Variants in KCNN2 observed in about 807,000 individuals in gnomAD.
The protein encoded by KCNN2 is small conductance calcium-activated potassium channel protein 2.
KCNN2 carries 24 observed loss-of-function variants against 55.5 expected under a neutral mutation model. The observed-to-expected ratio is 0.43, with a 90% CI of 0.31 to 0.61. The LOEUF is 0.61. Ranked by LOEUF, KCNN2 falls within the 20% of genes least tolerant of loss-of-function variation. The pLI is 0.08. For missense variants in KCNN2, 754 were observed against 853.6 expected (o/e 0.88, Z 1.45); for synonymous variants, 431 against 336.1 (o/e 1.28, Z -3.09).
chr5:114,437,817 C>A (rs923007654), intron 3 of KCNN2, among the ~76,000 whole-genome samples: 2 of 152,136 alleles, frequency 1.3e-5, no homozygotes, highest in Non-Finnish European at 2.9e-5. Context: ...GTCTATTTGC[C>A]TGGGTGATAT....
chr5:114,210,941 G>C (rs1753869145), intron 1 of KCNN2, among the ~76,000 whole-genome samples: 1 of 152,020 alleles, frequency 6.6e-6, no homozygotes, highest in South Asian at 2.1e-4. Context: ...AGACATATGT[G>C]TGGCCAACAA....
intron 1 of KCNN2, among the ~76,000 whole-genome samples, chr5:114,175,204 G>A (rs1374005715): frequency 6.6e-6 from 1 of 152,124 alleles, no homozygotes; most frequent in Non-Finnish European, 1.5e-5. Context: ...AGGATTATGA[G>A]GAATTCTTAG....
intron 2 of KCNN2, among the ~76,000 whole-genome samples, chr5:114,293,492 A>G (rs1755940106): frequency 1.3e-5 from 2 of 152,174 alleles, no homozygotes; most frequent in African/African-American, 4.8e-5. Flanking sequence ...GCTGGATTAC[A>G]TTTATTGATT....
At chr5:114,219,382 T>C (rs1754083021) in intron 1 of KCNN2, among the ~76,000 whole-genome samples, 1 of 152,130 alleles carries the variant, frequency 6.6e-6, no homozygotes, top group African/African-American at 2.4e-5. Context: ...CCAAACAAAT[T>C]GAAGGACGGT....
intron 2 of KCNN2, among the ~76,000 whole-genome samples, chr5:114,388,749 T>G (rs925679879): frequency 2.9e-4 from 44 of 152,202 alleles, no homozygotes; most frequent in Admixed American, 2.7e-3. Context: ...CTGTATAGTC[T>G]TCTAGGCTGA....
chr5:114,060,917 T>G (rs185665180), intron 1 of KCNN2, among the ~76,000 whole-genome samples: 1 of 152,336 alleles, frequency 6.6e-6, no homozygotes, highest in East Asian at 1.9e-4. Context: ...GCCTCCTTAC[T>G]CAGTAGGGCC....
chr5:114,059,075 G>A (rs996969203), intron 1 of KCNN2, among the ~76,000 whole-genome samples: 3 of 152,136 alleles, frequency 2.0e-5, no homozygotes, highest in Non-Finnish European at 4.4e-5. Flanking sequence ...ATAGCCTGTT[G>A]GTGCATCTGG....
At chr5:114,132,402 G>T (rs1752089170) in intron 1 of KCNN2, among the ~76,000 whole-genome samples, 1 of 152,120 alleles carries the variant, frequency 6.6e-6, no homozygotes, top group African/African-American at 2.4e-5. Context: ...TTTCCCCATT[G>T]CTTGTTTTTG....
intron 1 of KCNN2, among the ~76,000 whole-genome samples, chr5:114,067,526 T>G (rs1414152345): frequency 6.6e-6 from 1 of 152,264 alleles, no homozygotes; most frequent in Non-Finnish European, 1.5e-5. Flanking sequence ...TATTTTGTTT[T>G]TAAATACCTA....
chr5:114,137,499 C>A (rs1752197938), intron 1 of KCNN2, among the ~76,000 whole-genome samples: 1 of 152,110 alleles, frequency 6.6e-6, no homozygotes, highest in African/African-American at 2.4e-5. Flanking sequence ...CAAACACTAT[C>A]ATTTGTGAGA....
At chr5:114,192,115 T>A (rs1342548957) in intron 1 of KCNN2, among the ~76,000 whole-genome samples, 1 of 152,226 alleles carries the variant, frequency 6.6e-6, no homozygotes, top group African/African-American at 2.4e-5. Context: ...ATTGTTCTAA[T>A]GGACATTGCC....
intron 2 of KCNN2, among the ~76,000 whole-genome samples, chr5:114,238,302 CT>C (rs1392306864): frequency 1.3e-5 from 2 of 152,076 alleles, no homozygotes; most frequent in African/African-American, 2.4e-5. Flanking sequence ...CTCTAATTCT[CT>C]TTTTTTAGAC....
intron 1 of KCNN2, among the ~76,000 whole-genome samples, chr5:114,094,978 G>A (rs1198670958): frequency 2.0e-5 from 3 of 152,008 alleles, no homozygotes; most frequent in Non-Finnish European, 2.9e-5. Context: ...TCTTATGGCT[G>A]TTGTTCTTTA....
chr5:114,445,068 A>G (rs1234674963), intron 3 of KCNN2, among the ~76,000 whole-genome samples: 2 of 152,116 alleles, frequency 1.3e-5, no homozygotes, highest in African/African-American at 2.4e-5. Flanking sequence ...GTAACATAAC[A>G]TATGTGCTTG....
chr5:114,096,375 C>A (rs146685196), intron 1 of KCNN2, among the ~76,000 whole-genome samples: 1 of 152,246 alleles, frequency 6.6e-6, no homozygotes, highest in African/African-American at 2.4e-5. Flanking sequence ...CACTGGATCC[C>A]TGGCTTATTT....
chr5:114,377,357 C>T (rs900664643), intron 2 of KCNN2, among the ~76,000 whole-genome samples: 1 of 152,172 alleles, frequency 6.6e-6, no homozygotes, highest in African/African-American at 2.4e-5. Flanking sequence ...TCTCTAATCC[C>T]CCTATGTGCA....
At chr5:114,095,184 C>G (rs1561473230) in intron 1 of KCNN2, among the ~76,000 whole-genome samples, 1 of 152,040 alleles carries the variant, frequency 6.6e-6, no homozygotes, top group Non-Finnish European at 1.5e-5. Context: ...TCTGTTGTCT[C>G]TAGGTGGGCC....
chr5:114,422,988 C>T (rs571624352), intron 3 of KCNN2, among the ~76,000 whole-genome samples: 1 of 152,320 alleles, frequency 6.6e-6, no homozygotes, highest in South Asian at 2.1e-4. Flanking sequence ...AAAGTTAAAA[C>T]ATAGAAGTAT....
At chr5:114,311,521 T>C (rs998781572) in intron 2 of KCNN2, among the ~76,000 whole-genome samples, 1 of 152,096 alleles carries the variant, frequency 6.6e-6, no homozygotes, top group African/African-American at 2.4e-5. Flanking sequence ...ATTTTCACTG[T>C]TTTTGGCAGG....
Sources: gnomAD v4.1 joint callset for allele counts (sites outside exome capture counted in the v4.1 genomes callset) on GRCh38, gnomAD v4.1.1 for gene constraint, MANE v1.5 for transcripts, NCBI Gene and HGNC (gene_info 2026-07-23, HGNC 2026-07-21) for gene names.